The following RAD51B variants were observed in gnomAD, a reference collection of about 807,000 sequenced individuals.
The protein encoded by RAD51B is RAD51 paralog B.
A neutral mutation model predicts 42.2 loss-of-function variants in RAD51B; 38 were observed. That is an observed-to-expected ratio of 0.90 (90% CI 0.70 to 1.18). The LOEUF (loss-of-function observed/expected upper bound fraction) is 1.18, where lower values mean the gene tolerates loss of function less well. Among genes scored for constraint, RAD51B ranks in the 50% most tolerant of loss-of-function variants. The pLI is 0.00. For synonymous variants in RAD51B, 154 were observed against 145.2 expected, an observed-to-expected ratio of 1.06 and a Z score of -0.43; for missense variants, 373 against 400.7, an observed-to-expected ratio of 0.93 and a Z score of 0.59.
At chr14:68,064,144 G>A (rs1468314860) in intron 7 of RAD51B, among the ~76,000 whole-genome samples, 3 of 152,166 alleles carry the variant, frequency 2.0e-5, no homozygotes, top group Admixed American at 2.0e-4. Context: ...CAGCCTAGTG[G>A]TGATGAATTC....
intron 11 of RAD51B, among the ~76,000 whole-genome samples, chr14:68,666,521 G>T (rs1280538757): frequency 7.9e-5 from 12 of 152,212 alleles, no homozygotes. Context: ...GAGCAGTACT[G>T]GGAGGTCCTC....
rs747480580 is a variant in RAD51B at position 67,865,184 on chromosome 14, T to C, written c.452+45T>C. On this transcript the variant is annotated intron_variant, in intron 5 of 10. Transcript: ENST00000471583. ...ATTATAATGTTTTACTTTTGTAACT[T>C]ATATACAGCATGAAACATTTACACA... The C allele has an allele frequency of 2.0e-6, 3 of 1,506,154 alleles. No individual in the cohort carries two copies. The South Asian group carries it at 3.9e-5, about 19-fold the overall frequency. 93.3% of individuals were successfully genotyped at this position (1,506,154 alleles called of 1,614,324 possible).
chr14:68,347,936 A>T lies in RAD51B; in HGVS notation c.853+55956A>T, dbSNP rs2082707324. ...GTAGATACACTACCCCAGGACAGAG[A>T]TGAAATAATGAATTTGCTGAATATT... On this transcript the variant is annotated intron_variant, in intron 8 of 10. Coordinates refer to ENST00000471583, the MANE Select transcript of RAD51B (RefSeq NM_133510.4). Among the ~76,000 whole-genome samples the T allele has an allele frequency of 1.3e-5, 2 of 152,196 alleles. 1 individual carries two copies. Among genetic ancestry groups the T allele is most frequent in the South Asian group, 4.1e-4 (2 of 4,830 alleles).
At position 68,326,050 on chromosome 14, in the gene RAD51B, T is replaced by C. The variant is rs1225198676; in HGVS notation, c.853+34070T>C. 6.3e-3 allele frequency among the ~76,000 whole-genome samples: 898 copies of C among 142,308 alleles called. 16 individuals are homozygous for C. Among genetic ancestry groups the C allele is most frequent in the African/African-American group, 0.023 (876 of 38,442 alleles). 93.4% of individuals were successfully genotyped at this position (142,308 alleles called of 152,430 possible). ...TTCTTTTTCTTTTCTTTTTTTTTTT[T>C]TTTTTTTGAGACGGAGTTTCACGCT... On this transcript the variant is annotated intron_variant, in intron 8 of 10. Transcript: ENST00000471583.
chr14:68,635,128 G>A (rs1400440817), intron 10 of RAD51B, among the ~76,000 whole-genome samples: 1 of 152,210 alleles, frequency 6.6e-6, no homozygotes, highest in African/African-American at 2.4e-5. Flanking sequence ...CACTTAGGGT[G>A]ATTGAATGGG....
intron 7 of RAD51B, among the ~76,000 whole-genome samples, chr14:68,230,376 C>T (rs2080124101): frequency 6.6e-6 from 1 of 152,214 alleles, no homozygotes; most frequent in South Asian, 2.1e-4. Flanking sequence ...GGCACCACCA[C>T]TGGAATGAGT....
chr14:67,822,006 TGA>T (rs778506475), intron 1 of RAD51B, among the ~76,000 whole-genome samples: 2 of 151,826 alleles, frequency 1.3e-5, no homozygotes, highest in African/African-American at 2.4e-5. Context: ...TGTGTGTGTG[TGA>T]GAGAGAGAGA....
At chr14:68,077,328 A>T (rs2076849605) in intron 7 of RAD51B, among the ~76,000 whole-genome samples, 1 of 152,236 alleles carries the variant, frequency 6.6e-6, no homozygotes, top group Non-Finnish European at 1.5e-5. Flanking sequence ...GCCAGAATGT[A>T]GAATACAAGA....
Position 68,477,764 on chromosome 14 carries a change from G to T in RAD51B, c.*100G>T, listed in dbSNP as rs1374456975. ...AAGGAAACGGAAGCTGACATAATGG[G>T]GATTAATTAGTTGATTGCTGTTGAG... On this transcript the variant is annotated 3_prime_UTR_variant, in exon 11 of 11. Transcript: ENST00000471583. 2 of 1,563,552 alleles carry T rather than the reference G, an allele frequency of 1.3e-6. No individual in the cohort carries two copies. Among genetic ancestry groups the T allele is most frequent in the Admixed American group, 4.3e-5 (2 of 46,540 alleles).
chr14:68,608,234 A>G (rs1053253153), intron 10 of RAD51B, among the ~76,000 whole-genome samples: 1 of 152,078 alleles, frequency 6.6e-6, no homozygotes, highest in Non-Finnish European at 1.5e-5. Context: ...AGAGCAAACA[A>G]CTCCAAACTG....
chr14:68,534,149 C>T (rs1034724038), intron 10 of RAD51B, among the ~76,000 whole-genome samples: 1 of 152,006 alleles, frequency 6.6e-6, no homozygotes, highest in African/African-American at 2.4e-5. Context: ...AAATGGTGGT[C>T]GGCGTATAAC....
At chr14:68,490,622 C>T (rs1883990183) in intron 10 of RAD51B, among the ~76,000 whole-genome samples, 2 of 152,316 alleles carry the variant, frequency 1.3e-5, no homozygotes, top group South Asian at 2.1e-4. Flanking sequence ...CTAAACTTTG[C>T]TTTAAAATTC....
rs2083293005 is a variant in RAD51B, at chr14:68,373,042, C to T, written c.854-38382C>T. 1.3e-5 allele frequency among the ~76,000 whole-genome samples: 2 copies of T among 152,206 alleles called. 1 individual carries two copies. Among genetic ancestry groups the T allele is most frequent in the South Asian group, 4.1e-4 (2 of 4,834 alleles). Reference sequence around the variant, plus strand: ...GCAACACAGTAAGGGACAGAAAAAGCTGGGCCAGCCTGCCTCTGGGAGAGA... The same window carrying T: ...GCAACACAGTAAGGGACAGAAAAAGTTGGGCCAGCCTGCCTCTGGGAGAGA... On this transcript the variant is annotated intron_variant, in intron 8 of 10. Coordinates refer to ENST00000471583, the MANE Select transcript of RAD51B (RefSeq NM_133510.4).
chr14:67,965,929 C>A (rs1001492464), intron 7 of RAD51B, among the ~76,000 whole-genome samples: 34 of 152,224 alleles, frequency 2.2e-4, no homozygotes, highest in African/African-American at 7.9e-4. Flanking sequence ...CGACTAGTTT[C>A]TCTTGGGCAA....
At chr14:68,434,527 A>T (rs1195609391) in intron 9 of RAD51B, among the ~76,000 whole-genome samples, 1 of 152,204 alleles carries the variant, frequency 6.6e-6, no homozygotes, top group Non-Finnish European at 1.5e-5. Context: ...CTCCATGGGC[A>T]TGGGATCCTC....
chr14:67,964,609 G>A (rs1158702060), intron 7 of RAD51B, among the ~76,000 whole-genome samples: 1 of 152,102 alleles, frequency 6.6e-6, no homozygotes, highest in South Asian at 2.1e-4. Flanking sequence ...CAGCAGTGAG[G>A]TTTTTTCTTT....
intron 8 of RAD51B, among the ~76,000 whole-genome samples, chr14:68,341,301 A>G (rs768344663): frequency 6.6e-6 from 1 of 152,212 alleles, no homozygotes; most frequent in African/African-American, 2.4e-5. Flanking sequence ...TAGCTTCATC[A>G]TTAAATGACA....
chr14:68,186,094 C>T (rs1157119735), intron 7 of RAD51B, among the ~76,000 whole-genome samples: 1 of 152,062 alleles, frequency 6.6e-6, no homozygotes, highest in Admixed American at 6.6e-5. Flanking sequence ...ACAAAGCTGA[C>T]AAAAATAAGC....
At chr14:68,290,191 G>A (rs1395715658) in intron 7 of RAD51B, among the ~76,000 whole-genome samples, 5 of 152,170 alleles carry the variant, frequency 3.3e-5, no homozygotes, top group Admixed American at 2.6e-4. Context: ...CAAAACCATA[G>A]CTGACCCTTG....
Sources: gnomAD v4.1 joint callset for allele counts (sites outside exome capture counted in the v4.1 genomes callset) on GRCh38, gnomAD v4.1.1 for gene constraint, MANE v1.5 for transcripts, NCBI Gene and HGNC (gene_info 2026-07-23, HGNC 2026-07-21) for gene names.